Variants in DLG2 observed in about 807,000 individuals in gnomAD.
DLG2 encodes the protein discs large MAGUK scaffold protein 2.
Under a neutral mutation model 132.5 loss-of-function variants are expected in DLG2, and 45 were observed. The observed-to-expected ratio is 0.34, with a 90% confidence interval of 0.27 to 0.44. The LOEUF (loss-of-function observed/expected upper bound fraction) is 0.44, where lower values mean the gene tolerates loss of function less well. Among genes scored for constraint, DLG2 ranks in the 20% least tolerant of loss-of-function variants. The pLI, the probability that DLG2 is intolerant of heterozygous loss-of-function variation, is 1.00. For synonymous variants in DLG2, 424 were observed against 419.6 expected (o/e 1.01, Z -0.13); for missense variants, 1,045 against 1,196.9 (o/e 0.87, Z 1.87).
At chr11:84,209,687 G>A (rs1016810812) in intron 8 of DLG2, among the ~76,000 whole-genome samples, 3 of 151,994 alleles carry the variant, frequency 2.0e-5, no homozygotes, top group African/African-American at 7.3e-5. Flanking sequence ...TGGGATATAT[G>A]AATAAACAAT....
At chr11:84,794,770 G>A (rs532950345) in intron 6 of DLG2, among the ~76,000 whole-genome samples, 2 of 152,212 alleles carry the variant, frequency 1.3e-5, no homozygotes, top group Non-Finnish European at 2.9e-5. Context: ...GTGTGCACAT[G>A]CTCAGGGCAG....
chr11:84,043,625 G>T (rs1438717215), intron 11 of DLG2, among the ~76,000 whole-genome samples: 4 of 151,594 alleles, frequency 2.6e-5, no homozygotes, highest in Non-Finnish European at 4.4e-5. Flanking sequence ...AATACTCCTT[G>T]GGCCACTAGC....
intron 9 of DLG2, among the ~76,000 whole-genome samples, chr11:84,105,171 A>G (rs368317832): frequency 6.6e-6 from 1 of 152,180 alleles, no homozygotes; most frequent in Non-Finnish European, 1.5e-5. Flanking sequence ...TTTGGAAAAG[A>G]TTTAAACTTC....
chr11:85,136,881 A>G (rs943829315), intron 5 of DLG2, among the ~76,000 whole-genome samples: 1 of 152,168 alleles, frequency 6.6e-6, no homozygotes, highest in Non-Finnish European at 1.5e-5. Context: ...TATTAGTGGA[A>G]TGAAAGAATA....
At chr11:84,201,680 G>A (rs2096595530) in intron 8 of DLG2, among the ~76,000 whole-genome samples, 1 of 151,346 alleles carries the variant, frequency 6.6e-6, no homozygotes, top group Non-Finnish European at 1.5e-5. Context: ...GTTCGGTCTT[G>A]AAAGGGTGTA....
intron 8 of DLG2, among the ~76,000 whole-genome samples, chr11:84,177,923 C>A (rs1039946442): frequency 6.6e-6 from 1 of 152,002 alleles, no homozygotes; most frequent in Non-Finnish European, 1.5e-5. Flanking sequence ...AACTTTAAAA[C>A]TGGGCAGAAA....
At chr11:84,785,183 A>G (rs780895017) in intron 6 of DLG2, among the ~76,000 whole-genome samples, 27 of 152,228 alleles carry the variant, frequency 1.8e-4, no homozygotes, top group African/African-American at 6.3e-4. Flanking sequence ...GTTTCTTTTA[A>G]TCTACAGGAT....
intron 18 of DLG2, among the ~76,000 whole-genome samples, chr11:83,761,535 T>A (rs2093908295): frequency 6.6e-6 from 1 of 152,244 alleles, no homozygotes. Flanking sequence ...GCTTTGTTCC[T>A]GTTGTTTATT....
At chr11:84,545,674 G>A (rs1357011938) in intron 6 of DLG2, 3 of 281,916 alleles carry the variant, frequency 1.1e-5, no homozygotes, top group East Asian at 9.3e-5. Context: ...CCCTTTGCTT[G>A]CCACTGCCTC....
intron 3 of DLG2, among the ~76,000 whole-genome samples, chr11:85,499,736 A>G (rs1158285013): frequency 1.3e-5 from 2 of 152,208 alleles, no homozygotes; most frequent in Admixed American, 1.3e-4. Context: ...CACAAAAAAC[A>G]GCCTATCCAC....
chr11:84,053,944 G>A (rs1165528397), intron 11 of DLG2, among the ~76,000 whole-genome samples: 3 of 151,712 alleles, frequency 2.0e-5, no homozygotes, highest in Non-Finnish European at 4.4e-5. Context: ...ATAGAGATAT[G>A]AGAATTTAAA....
intron 6 of DLG2, among the ~76,000 whole-genome samples, chr11:85,056,219 A>T (rs1416899807): frequency 6.6e-6 from 1 of 152,126 alleles, no homozygotes; most frequent in East Asian, 1.9e-4. Context: ...GGCATCCCTA[A>T]GATATGGGTA....
chr11:84,291,669 A>G (rs2098000498), intron 7 of DLG2, among the ~76,000 whole-genome samples: 1 of 152,224 alleles, frequency 6.6e-6, no homozygotes, highest in Non-Finnish European at 1.5e-5. Flanking sequence ...AGAGAGGCAC[A>G]AGGGTTCATG....
At chr11:84,912,045 C>T (rs899300353) in intron 6 of DLG2, among the ~76,000 whole-genome samples, 3 of 152,120 alleles carry the variant, frequency 2.0e-5, no homozygotes, top group Non-Finnish European at 4.4e-5. Context: ...CCAAAGTATA[C>T]CATAAGGAAA....
At chr11:83,535,121 T>G (rs1368110114) in intron 20 of DLG2, among the ~76,000 whole-genome samples, 1 of 152,216 alleles carries the variant, frequency 6.6e-6, no homozygotes, top group East Asian at 1.9e-4. Flanking sequence ...GCTTCATCAC[T>G]TCATCACCTT....
intron 7 of DLG2, among the ~76,000 whole-genome samples, chr11:84,311,738 C>T (rs187807771): frequency 2.7e-4 from 41 of 152,292 alleles, no homozygotes; most frequent in Admixed American, 7.8e-4. Context: ...AAGGTCCACC[C>T]GGCTATCTCT....
chr11:84,480,756 CTT>C (rs777828752), intron 7 of DLG2, among the ~76,000 whole-genome samples: 16 of 112,994 alleles, frequency 1.4e-4, no homozygotes, highest in Admixed American at 2.6e-4. Context: ...TGGGGGTTTT[CTT>C]TTTTTTTTTT....
intron 18 of DLG2, among the ~76,000 whole-genome samples, chr11:83,783,774 C>T (rs192139920): frequency 6.6e-6 from 1 of 152,262 alleles, no homozygotes; most frequent in African/African-American, 2.4e-5. Flanking sequence ...CAAGGTCTGG[C>T]TCCATTTCCA....
At chr11:84,033,823 A>G (rs1433592938) in intron 11 of DLG2, among the ~76,000 whole-genome samples, 3 of 152,076 alleles carry the variant, frequency 2.0e-5, no homozygotes, top group Non-Finnish European at 4.4e-5. Flanking sequence ...CAGATCACCT[A>G]AGGCCAGGAG....
Sources: gnomAD v4.1 joint callset for allele counts (sites outside exome capture counted in the v4.1 genomes callset) on GRCh38, gnomAD v4.1.1 for gene constraint, MANE v1.5 for transcripts, NCBI Gene and HGNC (gene_info 2026-07-23, HGNC 2026-07-21) for gene names.